The following CNTN5 variants were observed in gnomAD, a reference collection of about 807,000 sequenced individuals.
CNTN5 encodes contactin 5.
A neutral mutation model predicts 129.1 loss-of-function variants in CNTN5; 77 were observed. The observed-to-expected ratio is 0.60, with a 90% CI of 0.50 to 0.72. The LOEUF (loss-of-function observed/expected upper bound fraction) is 0.72. Among genes scored for constraint, CNTN5 ranks in the 30% least tolerant of loss-of-function variants. The pLI, the probability that CNTN5 is intolerant of heterozygous loss-of-function variation, is 0.00. For missense variants in CNTN5, 1,478 were observed against 1,328.8 expected, an observed-to-expected ratio of 1.11 and a Z score of -1.75; for synonymous variants, 509 against 465.6, an observed-to-expected ratio of 1.09 and a Z score of -1.20.
intron 1 of CNTN5, among the ~76,000 whole-genome samples, chr11:99,323,987 C>T (rs1187103998): frequency 6.6e-6 from 1 of 152,096 alleles, no homozygotes; most frequent in Non-Finnish European, 1.5e-5. Flanking sequence ...CTTCTGTTCA[C>T]AATTTGTATA....
chr11:99,751,586 A>G lies in CNTN5; in HGVS notation c.56-67958A>G, dbSNP rs1212210526. On this transcript the variant is annotated intron_variant, in intron 3 of 24. Coordinates refer to ENST00000524871, the MANE Select transcript of CNTN5 (RefSeq NM_014361.4). ...TGATAAAACATTCCGTGCATAGTAC[A>G]GTTTAAAGTCCCAGCACTCCTAATT... Among the ~76,000 whole-genome samples, 3 of 152,228 alleles carry G rather than the reference A, an allele frequency of 2.0e-5. No homozygotes were observed. The East Asian group carries it at 5.8e-4, about 29-fold the overall frequency.
chr11:100,089,302 A>G (rs1944666884), intron 13 of CNTN5, among the ~76,000 whole-genome samples: 1 of 152,144 alleles, frequency 6.6e-6, no homozygotes. Flanking sequence ...AAACATATGC[A>G]AAAAAGCTCA....
rs893763323 is a variant in CNTN5 at position 100,199,114 on chromosome 11, G to A, written c.1884+5451G>A. 3.9e-5 allele frequency among the ~76,000 whole-genome samples: 6 copies of A among 151,900 alleles called. No individual in the cohort carries two copies. In the East Asian group the frequency reaches 7.7e-4, roughly 20 times the overall value. On this transcript the variant is annotated intron_variant, in intron 15 of 24. Coordinates refer to ENST00000524871, the MANE Select transcript of CNTN5 (RefSeq NM_014361.4). ...TTTACTAAGGCACAAAGCTGTAAGC[G>A]TTTCATAAGCAAATGCTTCATCCTC...
chr11:100,235,712 T>C (rs569248764), intron 16 of CNTN5, among the ~76,000 whole-genome samples: 5 of 152,290 alleles, frequency 3.3e-5, no homozygotes, highest in African/African-American at 4.8e-5. Context: ...GGTCGCTTAA[T>C]TGGGCTTCAG....
intron 3 of CNTN5, among the ~76,000 whole-genome samples, chr11:99,633,550 A>G (rs1442679412): frequency 6.6e-6 from 1 of 152,176 alleles, no homozygotes; most frequent in Non-Finnish European, 1.5e-5. Flanking sequence ...AAGACAAAAT[A>G]AATATTTATC....
chr11:99,606,814 C>G (rs868517488), intron 3 of CNTN5, among the ~76,000 whole-genome samples: 1 of 140,686 alleles, frequency 7.1e-6, no homozygotes, highest in African/African-American at 2.6e-5. Flanking sequence ...ACTATCTGAT[C>G]TTTGACAAAC....
intron 1 of CNTN5, among the ~76,000 whole-genome samples, chr11:99,065,490 C>A (rs1335012158): frequency 6.6e-6 from 1 of 152,152 alleles, no homozygotes; most frequent in Non-Finnish European, 1.5e-5. Flanking sequence ...TTGTAGAACA[C>A]AAACATATCT....
At chr11:100,141,061 A>C (rs1946684790) in intron 13 of CNTN5, among the ~76,000 whole-genome samples, 1 of 152,260 alleles carries the variant, frequency 6.6e-6, no homozygotes, top group African/African-American at 2.4e-5. Flanking sequence ...AAAATGGTCG[A>C]GGAAAAATTG....
intron 3 of CNTN5, among the ~76,000 whole-genome samples, chr11:99,717,954 C>A (rs1349247434): frequency 1.3e-5 from 2 of 152,064 alleles, no homozygotes; most frequent in Non-Finnish European, 2.9e-5. Context: ...CCCCCTAAAA[C>A]CTTACCACTT....
intron 1 of CNTN5, among the ~76,000 whole-genome samples, chr11:99,067,089 A>G (rs1419295214): frequency 6.6e-6 from 1 of 152,158 alleles, no homozygotes; most frequent in Non-Finnish European, 1.5e-5. Flanking sequence ...TCACTTGCAC[A>G]TCAGATTCCT....
chr11:99,720,644 C>T (rs1205047248), intron 3 of CNTN5, among the ~76,000 whole-genome samples: 1 of 151,882 alleles, frequency 6.6e-6, no homozygotes, highest in South Asian at 2.1e-4. Flanking sequence ...TATTGGACAT[C>T]CTAGACAGAT....
intron 15 of CNTN5, among the ~76,000 whole-genome samples, chr11:100,209,941 G>T (rs1452581064): frequency 6.6e-6 from 1 of 152,076 alleles, no homozygotes; most frequent in African/African-American, 2.4e-5. Context: ...TGGAGAGAAT[G>T]AAAATATTTA....
At chr11:100,053,290 G>A (rs1943053300) in intron 9 of CNTN5, among the ~76,000 whole-genome samples, 1 of 151,524 alleles carries the variant, frequency 6.6e-6, no homozygotes, top group African/African-American at 2.4e-5. Context: ...AAAAGACAAT[G>A]GTAAGAAAAT....
chr11:99,653,818 C>A (rs926315118), intron 3 of CNTN5, among the ~76,000 whole-genome samples: 1 of 151,906 alleles, frequency 6.6e-6, no homozygotes, highest in Non-Finnish European at 1.5e-5. Context: ...TGAGGATATT[C>A]GCTTCTTCAT....
intron 13 of CNTN5, among the ~76,000 whole-genome samples, chr11:100,098,412 T>C (rs1392411629): frequency 6.6e-6 from 1 of 152,040 alleles, no homozygotes; most frequent in African/African-American, 2.4e-5. Flanking sequence ...ATTTCAATAA[T>C]AAGAAAGCCC....
intron 1 of CNTN5, among the ~76,000 whole-genome samples, chr11:99,263,020 A>G (rs763606122): frequency 2.0e-5 from 3 of 152,098 alleles, no homozygotes; most frequent in Non-Finnish European, 4.4e-5. Flanking sequence ...TTTCCATTAC[A>G]TAGAATACAT....
chr11:99,096,531 A>C (rs1411225361), intron 1 of CNTN5, among the ~76,000 whole-genome samples: 7 of 151,814 alleles, frequency 4.6e-5, no homozygotes, highest in East Asian at 3.9e-4. Flanking sequence ...AAGTGTTTTC[A>C]TAGGTTTTAT....
At chr11:99,369,217 A>AT (rs148741904) in intron 2 of CNTN5, among the ~76,000 whole-genome samples, 1,757 of 135,710 alleles carry the variant, frequency 0.013, 35 homozygotes, top group African/African-American at 0.044. Context: ...TATTATATAT[A>AT]ATATATATAT....
chr11:100,307,453 C>T (rs1471795492), intron 20 of CNTN5, among the ~76,000 whole-genome samples: 1 of 151,500 alleles, frequency 6.6e-6, no homozygotes, highest in Non-Finnish European at 1.5e-5. Context: ...TTGTTCCTCA[C>T]ATCAAGTGCA....
Sources: allele counts gnomAD v4.1 joint callset (sites outside exome capture counted in the v4.1 genomes callset), GRCh38; gene constraint gnomAD v4.1.1; transcripts MANE v1.5; gene names NCBI Gene and HGNC (gene_info 2026-07-23, HGNC 2026-07-21).